LTBP1: variants seen among roughly 807,000 people sequenced by gnomAD.
LTBP1 encodes latent-transforming growth factor beta-binding protein 1.
In LTBP1, 129 loss-of-function variants were observed where a neutral mutation model predicts 207.6. The ratio of observed to expected loss-of-function variants is 0.62; its 90% confidence interval spans 0.54 to 0.72. The LOEUF is 0.72. Among genes scored for constraint, LTBP1 ranks in the 30% least tolerant of loss-of-function variants. The pLI is 0.00. For synonymous variants in LTBP1, 963 were observed against 833.7 expected, an observed-to-expected ratio of 1.16 and a Z score of -2.67; for missense variants, 2,281 against 2,217.2, an observed-to-expected ratio of 1.03 and a Z score of -0.58.
Position 33,398,447 on chromosome 2 carries a change from T to G in LTBP1, c.5068T>G (p.Cys1690Gly). The change falls in exon 34 of 34, where the codon TGT becomes GGT. Residue 1690 changes from cysteine (C) to glycine (G), a missense_variant. Around this residue, in one of 3 missense-constraint regions of LTBP1, gnomAD observed 1,671 missense variants for 1,634.8 expected, o/e 1.02. Transcript: ENST00000404816. ...CATTAACACCGATGGTTCCTACAAG[T>G]GTTTGTGTCTGCCAGGCTACGTGCC... is the stretch of plus-strand genomic sequence containing the variant. ...KCINTDGSYKCLCLPGYVPSD... is the reference protein window; with the variant it reads ...KCINTDGSYKGLCLPGYVPSD... The G allele has an allele frequency of 6.2e-7, 1 of 1,614,220 alleles. No individual in the cohort carries two copies. Among genetic ancestry groups the G allele is most frequent in the Non-Finnish European group, 8.5e-7 (1 of 1,180,024 alleles).
chr2:33,342,879 G>A lies in LTBP1; in HGVS notation c.3772G>A (p.Gly1258Arg), dbSNP rs528249193. 6.8e-6 allele frequency: 11 copies of A among 1,614,020 alleles called. No individual in the cohort carries two copies. The highest frequency in any genetic ancestry group is 4.0e-5 in the African/African-American group (3 of 75,042). The part of the protein sequence containing the change: ...CVNNTVCDSH[G>R]FCDNTAGSFR... ...AAACAACACTGTTTGTGACAGTCAC[G>A]GGTTTTGTGACAATACAGCTGGCTC... Residue 1258 changes from glycine (G) to arginine (R), a missense_variant, in exon 25 of 34, where the codon GGG becomes AGG. Physicochemically the swap from Gly to Arg is moderately radical, Grantham distance 125. Transcript: ENST00000404816.
intron 4 of LTBP1, among the ~76,000 whole-genome samples, chr2:33,127,984 G>T (rs1378256487): frequency 6.6e-6 from 1 of 152,112 alleles, no homozygotes; most frequent in Non-Finnish European, 1.5e-5. Context: ...TTTCCCTTAA[G>T]GGAGTTTGAT....
At chr2:32,986,814 G>A (rs911344438) in intron 2 of LTBP1, among the ~76,000 whole-genome samples, 1 of 152,144 alleles carries the variant, frequency 6.6e-6, no homozygotes, top group African/African-American at 2.4e-5. Context: ...AACCTTCATC[G>A]TCTTTAGATC....
intron 15 of LTBP1, among the ~76,000 whole-genome samples, chr2:33,265,522 A>G (rs1364149819): frequency 3.3e-5 from 5 of 152,222 alleles, no homozygotes; most frequent in Non-Finnish European, 7.3e-5. Context: ...CACCAAATAT[A>G]GTATTTTTGA....
chr2:33,369,674 A>G (rs1388054990), intron 31 of LTBP1, among the ~76,000 whole-genome samples: 2 of 152,072 alleles, frequency 1.3e-5, no homozygotes, highest in African/African-American at 4.8e-5. Context: ...TCTCCCACCT[A>G]TTACAGGCGC....
chr2:33,068,921 AG>A (rs946705001), intron 3 of LTBP1, among the ~76,000 whole-genome samples: 2 of 152,196 alleles, frequency 1.3e-5, no homozygotes, highest in Non-Finnish European at 2.9e-5. Flanking sequence ...TTATGGAAAA[AG>A]TTTGCTAACC....
intron 5 of LTBP1, among the ~76,000 whole-genome samples, chr2:33,167,707 G>A (rs930014169): frequency 2.0e-5 from 3 of 152,208 alleles, no homozygotes; most frequent in Non-Finnish European, 4.4e-5. Context: ...GAAAGAGGCT[G>A]TATACAACCG....
Position 33,021,040 on chromosome 2 carries a change from G to A in LTBP1, c.697G>A (p.Gly233Arg). 3 of 1,614,120 alleles carry A rather than the reference G, an allele frequency of 1.9e-6. No individual in the cohort carries two copies. The highest frequency in any genetic ancestry group is 2.5e-6 in the Non-Finnish European group (3 of 1,180,012). ...GGACACCTCGTCACCAGTCTTTGGA[G>A]GGCAGAGTCCTGGGGCTGCTTCCTC... ...AQDTSSPVFGGQSPGAASSWG... is the reference protein window; with the variant it reads ...AQDTSSPVFGRQSPGAASSWG... The change falls in exon 3 of 34, where the codon GGG becomes AGG. Residue 233 changes from glycine to arginine, a missense_variant. Around this residue, in one of 3 missense-constraint regions of LTBP1, gnomAD observed 555 missense variants for 491.0 expected, o/e 1.13. Transcript: ENST00000404816.
chr2:33,064,233 A>G (rs1309681190), intron 3 of LTBP1, among the ~76,000 whole-genome samples: 1 of 152,246 alleles, frequency 6.6e-6, no homozygotes, highest in Non-Finnish European at 1.5e-5. Context: ...ATAGAAATAC[A>G]TTTAATTTAT....
chr2:33,051,717 G>C (rs1177049393), intron 3 of LTBP1, among the ~76,000 whole-genome samples: 1 of 152,136 alleles, frequency 6.6e-6, no homozygotes, highest in Non-Finnish European at 1.5e-5. Flanking sequence ...CTCTGGGTTT[G>C]CAGAGCTGGC....
intron 32 of LTBP1, among the ~76,000 whole-genome samples, chr2:33,392,069 T>C (rs929596081): frequency 3.3e-5 from 5 of 152,208 alleles, no homozygotes; most frequent in African/African-American, 9.6e-5. Context: ...AGGTTTCTTA[T>C]CGCCTTTATG....
At chr2:33,259,677 T>A in intron 13 of LTBP1, 67 bp downstream of exon 13, 1 of 1,469,024 alleles carries the variant, frequency 6.8e-7, no homozygotes, top group Non-Finnish European at 9.3e-7. Flanking sequence ...TTAGAATATG[T>A]ATGGATTTTT....
intron 9 of LTBP1, among the ~76,000 whole-genome samples, chr2:33,239,690 C>A (rs1384447135): frequency 6.8e-6 from 1 of 146,568 alleles, no homozygotes; most frequent in African/African-American, 2.5e-5. Context: ...GTCAGGAGTT[C>A]AAGACCAGCC....
chr2:33,346,540 C>A (rs1046463594), intron 25 of LTBP1, among the ~76,000 whole-genome samples: 1 of 151,808 alleles, frequency 6.6e-6, no homozygotes, highest in Non-Finnish European at 1.5e-5. Context: ...AAAAATTAGC[C>A]ATGCATGGTG....
rs190255017 is a variant in LTBP1 at position 33,155,994 on chromosome 2, A to G, written c.1201+21034A>G. Among the ~76,000 whole-genome samples the G allele has an allele frequency of 2.4e-3, 366 of 152,334 alleles. 6 individuals carry two copies. The highest frequency in any genetic ancestry group is 2.1e-3 in the South Asian group (10 of 4,824). On this transcript the variant is annotated intron_variant, in intron 5 of 33. Coordinates refer to ENST00000404816, the MANE Select transcript of LTBP1 (RefSeq NM_206943.4). ...GAATTTTATTGATGACTGCTAGCACATAGATGTATTGGAGAGGATCAGAAA... is the reference window on the plus strand; with the variant it reads ...GAATTTTATTGATGACTGCTAGCACGTAGATGTATTGGAGAGGATCAGAAA...
intron 5 of LTBP1, among the ~76,000 whole-genome samples, chr2:33,156,713 A>G (rs2084007452): frequency 6.6e-6 from 1 of 152,180 alleles, no homozygotes; most frequent in Admixed American, 6.6e-5. Flanking sequence ...TAACAATTGA[A>G]CATATTTTAA....
At chr2:33,151,551 G>T (rs1388876947) in intron 5 of LTBP1, among the ~76,000 whole-genome samples, 1 of 151,746 alleles carries the variant, frequency 6.6e-6, no homozygotes, top group Non-Finnish European at 1.5e-5. Context: ...TGAGATTTTG[G>T]TGCACCCATC....
chr2:33,242,685 T>TAAAA (rs200164588), intron 9 of LTBP1, among the ~76,000 whole-genome samples: 1 of 138,234 alleles, frequency 7.2e-6, no homozygotes, highest in Non-Finnish European at 1.6e-5. Context: ...CAGTTGTTCT[T>TAAAA]AAAAAAAAAA....
chr2:33,166,067 G>GTTTTTTTTTTTTTTT (rs143905437), intron 5 of LTBP1, among the ~76,000 whole-genome samples: 1 of 140,844 alleles, frequency 7.1e-6, no homozygotes, highest in Non-Finnish European at 1.6e-5. Flanking sequence ...AGTAATGTAT[G>GTTTTTTTTTTTTTTT]TTTTTTTTTT....
Sources: gnomAD v4.1 joint callset for allele counts (sites outside exome capture counted in the v4.1 genomes callset) on GRCh38, gnomAD v4.1.1 for gene constraint, gnomAD v4.1.1 regional missense constraint, MANE v1.5 for transcripts, NCBI Gene and HGNC (gene_info 2026-07-23, HGNC 2026-07-21) for gene names.